MRTFA: variants seen among roughly 807,000 people sequenced by gnomAD.
The protein encoded by MRTFA is myocardin related transcription factor A.
In MRTFA, 20 loss-of-function variants were observed where a neutral mutation model predicts 83.5. The ratio of observed to expected loss-of-function variants is 0.24; its 90% CI spans 0.17 to 0.35. The LOEUF is 0.35. Among genes scored for constraint, MRTFA ranks in the 10% least tolerant of loss-of-function variants. The pLI is 1.00. For missense variants in MRTFA, 1,200 were observed against 1,224.7 expected, an observed-to-expected ratio of 0.98 and a Z score of 0.30; for synonymous variants, 659 against 541.2, an observed-to-expected ratio of 1.22 and a Z score of -3.02.
Position 40,419,212 on chromosome 22 carries a change from G to C in MRTFA, c.1526C>G (p.Ala509Gly), listed in dbSNP as rs1177832566. Residue 509 changes from alanine to glycine, a missense_variant, in exon 12 of 15, where the codon GCC (alanine) becomes GGC (glycine). Ala to Gly is a moderately conservative substitution (Grantham distance 60). Coordinates refer to ENST00000355630, the MANE Select transcript of MRTFA (RefSeq NM_020831.6). ...CGTGCTCAGCCGGGCCGCTGGGAAGGCTACCACCACCTCGCCAGCCTTGTG... is the reference window on the plus strand; with the variant it reads ...CGTGCTCAGCCGGGCCGCTGGGAAGCCTACCACCACCTCGCCAGCCTTGTG... 1.9e-6 allele frequency: 3 copies of C among 1,600,864 alleles called. No individual in the cohort carries two copies. In the Admixed American group the frequency reaches 5.2e-5, roughly 28 times the overall value.
Position 40,435,129 on chromosome 22 carries a change from A to C in MRTFA, c.363+370T>G, listed in dbSNP as rs530824194. On this transcript the variant is annotated intron_variant, in intron 5 of 14. Coordinates refer to ENST00000355630, the MANE Select transcript of MRTFA (RefSeq NM_020831.6). ...ACTTGGGAAGCTTTTCCATTGGCTA[A>C]TGTTTGTGTCCCAACATCTACAAAA... Among the ~76,000 whole-genome samples the C allele has an allele frequency of 4.6e-5, 7 of 152,352 alleles. No homozygotes were observed. The South Asian group carries it at 1.4e-3, about 32-fold the overall frequency.
chr22:40,596,551 C>T (rs1325732834), intron 1 of MRTFA, among the ~76,000 whole-genome samples: 3 of 152,160 alleles, frequency 2.0e-5, no homozygotes, highest in Non-Finnish European at 2.9e-5. Context: ...CCTGTAATCC[C>T]AGCACTTTGG....
intron 3 of MRTFA, among the ~76,000 whole-genome samples, chr22:40,471,450 G>A (rs1031738229): frequency 6.6e-6 from 1 of 151,952 alleles, no homozygotes; most frequent in Non-Finnish European, 1.5e-5. Context: ...TCCTAGGAAG[G>A]CATAAATTAT....
At chr22:40,431,802 C>T (rs1216207296) in intron 5 of MRTFA, among the ~76,000 whole-genome samples, 1 of 152,094 alleles carries the variant, frequency 6.6e-6, no homozygotes, top group African/African-American at 2.4e-5. Flanking sequence ...ATTTAGAAAA[C>T]TAGAAAGAAA....
At position 40,418,939 on chromosome 22, in the gene MRTFA, T is replaced by G; in HGVS notation, c.1799A>C (p.Glu600Ala). ...ACAGGACCCGGCCCGGGGGCCCTCCTCCTTCACGAGGATCTGCAGTGGCGA... is the reference window on the plus strand; with the variant it reads ...ACAGGACCCGGCCCGGGGGCCCTCCGCCTTCACGAGGATCTGCAGTGGCGA... Residue 600 changes from glutamate (E) to alanine (A), a missense_variant, in exon 12 of 15, where the codon GAG becomes GCG. By Grantham distance (107) the Glu-to-Ala change is moderately radical (BLOSUM62 -1). Around this residue, in one of 2 missense-constraint regions of MRTFA, gnomAD observed 1,107 missense variants for 1,041.8 expected, o/e 1.06. Coordinates refer to ENST00000355630, the MANE Select transcript of MRTFA (RefSeq NM_020831.6). 2 of 1,612,816 alleles carry G rather than the reference T, an allele frequency of 1.2e-6. No individual in the cohort carries two copies. The highest frequency in any genetic ancestry group is 1.7e-6 in the Non-Finnish European group (2 of 1,179,942).
chr22:40,592,631 G>A (rs1374566717), intron 2 of MRTFA, among the ~76,000 whole-genome samples: 1 of 152,036 alleles, frequency 6.6e-6, no homozygotes, highest in Non-Finnish European at 1.5e-5. Flanking sequence ...TGGGACTACA[G>A]GCACATGTCA....
At chr22:40,446,436 G>A (rs1167469494) in intron 4 of MRTFA, among the ~76,000 whole-genome samples, 2 of 152,180 alleles carry the variant, frequency 1.3e-5, no homozygotes, top group East Asian at 3.8e-4. Context: ...ACTTAGGGAA[G>A]TGGGGGAGAA....
At chr22:40,595,398 G>A (rs886353557) in intron 1 of MRTFA, among the ~76,000 whole-genome samples, 5 of 152,044 alleles carry the variant, frequency 3.3e-5, no homozygotes, top group Non-Finnish European at 7.4e-5. Flanking sequence ...TGGGATTACA[G>A]GTGTGAGCCA....
intron 2 of MRTFA, among the ~76,000 whole-genome samples, chr22:40,567,964 A>G (rs567193259): frequency 6.6e-6 from 1 of 152,228 alleles, no homozygotes; most frequent in Non-Finnish European, 1.5e-5. Context: ...TCTTGAGCAA[A>G]TATTTTTAAA....
At chr22:40,618,836 G>C (rs1159613629) in intron 1 of MRTFA, among the ~76,000 whole-genome samples, 1 of 151,114 alleles carries the variant, frequency 6.6e-6, no homozygotes, top group Non-Finnish European at 1.5e-5. Context: ...GGTGGCTCAC[G>C]CCTGTAATCC....
At chr22:40,547,168 A>T (rs924151742) in intron 3 of MRTFA, among the ~76,000 whole-genome samples, 2 of 151,712 alleles carry the variant, frequency 1.3e-5, no homozygotes, top group Non-Finnish European at 2.9e-5. Context: ...AAATATATAT[A>T]AAATAAAATA....
chr22:40,418,097 C>G, intron 12 of MRTFA, among the ~76,000 whole-genome samples: 1 of 152,096 alleles, frequency 6.6e-6, no homozygotes, highest in Non-Finnish European at 1.5e-5. Flanking sequence ...AGCCTGGGTA[C>G]GGGCTGCTCA....
chr22:40,536,409 C>T (rs1259388151), intron 3 of MRTFA, among the ~76,000 whole-genome samples: 5 of 150,474 alleles, frequency 3.3e-5, no homozygotes, highest in African/African-American at 4.9e-5. Context: ...CGGCGAGCGC[C>T]GCCCGGGAGG....
intron 2 of MRTFA, among the ~76,000 whole-genome samples, chr22:40,585,467 G>GA (rs1164528705): frequency 2.6e-5 from 4 of 152,092 alleles, no homozygotes; most frequent in Non-Finnish European, 5.9e-5. Flanking sequence ...TTCACAAGCT[G>GA]AAAAGAGTTC....
rs1414020320 is a variant in MRTFA at position 40,420,578 on chromosome 22, TG to T, written c.1182-3del. 6.2e-7 allele frequency: 1 copy of T among 1,612,686 alleles called. No homozygotes were observed. The highest frequency in any genetic ancestry group is 1.7e-4 in the Middle Eastern group (1 of 5,924). ...CTTCCCAGGGCCTCGCCTGCTGACC[TG>T]GGAAGAAAAGGCAGAAATTAGCCCC... On this transcript the variant is annotated splice_region_variant and splice_polypyrimidine_tract_variant and intron_variant, in intron 10 of 14. Coordinates refer to ENST00000355630, the MANE Select transcript of MRTFA (RefSeq NM_020831.6).
chr22:40,449,029 G>T (rs1221290091), intron 4 of MRTFA, among the ~76,000 whole-genome samples: 1 of 152,182 alleles, frequency 6.6e-6, no homozygotes, highest in African/African-American at 2.4e-5. Flanking sequence ...ACTTTGGGAG[G>T]CCGAGGCGGG....
intron 3 of MRTFA, among the ~76,000 whole-genome samples, chr22:40,530,313 T>C (rs1008071326): frequency 2.0e-5 from 3 of 152,256 alleles, no homozygotes; most frequent in African/African-American, 7.2e-5. Flanking sequence ...TGTTTTTGTT[T>C]TGAGGCAGGG....
At chr22:40,494,602 G>A (rs2054320402) in intron 3 of MRTFA, among the ~76,000 whole-genome samples, 1 of 151,736 alleles carries the variant, frequency 6.6e-6, no homozygotes, top group Non-Finnish European at 1.5e-5. Flanking sequence ...CATCACTCGA[G>A]CCCAGGGGGC....
At chr22:40,425,378 G>A (rs765818815) in intron 7 of MRTFA, among the ~76,000 whole-genome samples, 1 of 152,276 alleles carries the variant, frequency 6.6e-6, no homozygotes, top group Non-Finnish European at 1.5e-5. Flanking sequence ...AGGCAGGGGT[G>A]AGCTGCCGCC....
Sources: gnomAD v4.1 joint callset for allele counts (sites outside exome capture counted in the v4.1 genomes callset) on GRCh38, gnomAD v4.1.1 for gene constraint, gnomAD v4.1.1 regional missense constraint, MANE v1.5 for transcripts, NCBI Gene and HGNC (gene_info 2026-07-23, HGNC 2026-07-21) for gene names.